P4HA3: variants seen among roughly 807,000 people sequenced by gnomAD.
The protein encoded by P4HA3 is prolyl 4-hydroxylase subunit alpha 3.
Under a neutral mutation model 66.7 loss-of-function variants are expected in P4HA3, and 60 were observed. The observed-to-expected ratio is 0.90, with a 90% CI of 0.73 to 1.12. P4HA3 has a LOEUF of 1.12. P4HA3 is among the 50% of genes most tolerant of loss of function. The pLI, the probability that P4HA3 is intolerant of heterozygous loss-of-function variation, is 0.00. For missense variants in P4HA3, 683 were observed against 685.8 expected (o/e 1.00, Z 0.05); for synonymous variants, 263 against 274.6 (o/e 0.96, Z 0.42).
At chr11:74,250,908 G>GC in intron 15 of P4HA3, 4 of 1,496,828 alleles carry the variant, frequency 2.7e-6, no homozygotes, top group Non-Finnish European at 2.7e-6. Flanking sequence ...GCATAAGAGA[G>GC]GGCTCTTTTA....
At chr11:74,302,690 C>T in intron 2 of P4HA3, 98 bp from the exon 3 acceptor site, 2 of 1,143,580 alleles carry the variant, frequency 1.7e-6, no homozygotes, top group Non-Finnish European at 2.5e-6. Flanking sequence ...TATTTAATGA[C>T]ATCAAGTTGG....
intron 4 of P4HA3, among the ~76,000 whole-genome samples, chr11:74,290,987 C>A (rs1861001343): frequency 6.6e-6 from 1 of 152,164 alleles, no homozygotes; most frequent in African/African-American, 2.4e-5. Flanking sequence ...TGAAGAAAGT[C>A]ATTGGTAGCT....
intron 7 of P4HA3, among the ~76,000 whole-genome samples, chr11:74,280,397 G>A (rs941642070): frequency 7.2e-5 from 11 of 151,866 alleles, no homozygotes; most frequent in South Asian, 2.1e-4. Flanking sequence ...TGGTCTCAAG[G>A]GATCCTCCCA....
At position 74,289,062 on chromosome 11, in the gene P4HA3, T is replaced by G; in HGVS notation, c.769+17A>C. The G allele has an allele frequency of 6.5e-7, 1 of 1,528,738 alleles. No homozygotes were observed. Among genetic ancestry groups the G allele is most frequent in the Non-Finnish European group, 8.8e-7 (1 of 1,137,572 alleles). 94.7% of individuals were successfully genotyped at this position (1,528,738 alleles called of 1,614,324 possible). Reference sequence around the variant, plus strand: ...AAATCAGACCTGTGGCTGGCTTATCTTTTATCCATTACGTACTGTAGAGAA... The same window carrying G: ...AAATCAGACCTGTGGCTGGCTTATCGTTTATCCATTACGTACTGTAGAGAA... On this transcript the variant is annotated intron_variant, in intron 5 of 12. Transcript: ENST00000331597.
rs755843474 is a variant in P4HA3 at position 74,289,180 on chromosome 11, T to C, written c.718-50A>G. 6 of 1,382,386 alleles carry C rather than the reference T, an allele frequency of 4.3e-6. No homozygotes were observed. The East Asian group carries it at 1.3e-4, about 30-fold the overall frequency. The allele number at this position is 1,382,386 out of a possible 1,614,324, so 85.6% of individuals were successfully genotyped here. Reference sequence around the variant, plus strand: ...GAAAGCATTAACTTCACTGAGGATATCTCTTCTGAACAAACCATTAAATTA... The same window carrying C: ...GAAAGCATTAACTTCACTGAGGATACCTCTTCTGAACAAACCATTAAATTA... On this transcript the variant is annotated intron_variant, in intron 4 of 12. Transcript: ENST00000331597.
Position 74,291,456 on chromosome 11 carries a change from G to A in P4HA3, c.718-2326C>T, listed in dbSNP as rs571414248. The stretch of plus-strand genomic sequence containing the variant: ...CTTTATTTCCTTCTCCTGCCTGATT[G>A]CCCTGGCCAGAACTTCCAACACTAT... On this transcript the variant is annotated intron_variant, in intron 4 of 12. Coordinates refer to ENST00000331597, the MANE Select transcript of P4HA3 (RefSeq NM_182904.5). Among the ~76,000 whole-genome samples the A allele has an allele frequency of 1.8e-3, 279 of 152,176 alleles. 1 individual carries two copies. The highest frequency in any genetic ancestry group is 6.2e-3 in the African/African-American group (256 of 41,500).
intron 4 of P4HA3, among the ~76,000 whole-genome samples, 199 bp from the exon 5 acceptor site, chr11:74,289,329 AT>A (rs1178682153): frequency 3.3e-5 from 5 of 152,160 alleles, no homozygotes; most frequent in Non-Finnish European, 7.3e-5. Context: ...CAGTCTCCTC[AT>A]TTACTAATGA....
intron 1 of P4HA3, among the ~76,000 whole-genome samples, chr11:74,309,025 G>A (rs1351218601): frequency 6.6e-6 from 1 of 152,180 alleles, no homozygotes; most frequent in Non-Finnish European, 1.5e-5. Flanking sequence ...CATGTACTGT[G>A]GCCACTAGTA....
downstream of P4HA3, among the ~76,000 whole-genome samples, chr11:74,262,371 G>C (rs533415877): frequency 6.6e-6 from 1 of 152,148 alleles, no homozygotes; most frequent in African/African-American, 2.4e-5. Flanking sequence ...CCAATGAAGT[G>C]AATATAAAGA....
chr11:74,263,549 G>A (rs1859943709), downstream of P4HA3, among the ~76,000 whole-genome samples: 3 of 152,190 alleles, frequency 2.0e-5, no homozygotes, highest in African/African-American at 4.8e-5. Context: ...ATACTTGGAT[G>A]ACTTCAGGCA....
At chr11:74,267,901 T>C (rs1005690152) in intron 12 of P4HA3, among the ~76,000 whole-genome samples, 1 of 152,220 alleles carries the variant, frequency 6.6e-6, no homozygotes, top group Non-Finnish European at 1.5e-5. Context: ...TGCTCAGGAA[T>C]CAAGGCCTAT....
rs538036022 is a variant in P4HA3 at position 74,300,682 on chromosome 11, G to A, written c.567+1687C>T. 2.0e-5 allele frequency among the ~76,000 whole-genome samples: 3 copies of A among 152,286 alleles called. No individual in the cohort carries two copies. In the East Asian group the frequency reaches 5.8e-4, roughly 29 times the overall value. On this transcript the variant is annotated intron_variant, in intron 3 of 12. Coordinates refer to ENST00000331597, the MANE Select transcript of P4HA3 (RefSeq NM_182904.5). ...GAAATTTCATAATCCATAGAGGAAG[G>A]GATCGGGGAAGTGTAGATGAAACAA... is the stretch of plus-strand genomic sequence containing the variant.
chr11:74,253,457 C>G, intron 15 of P4HA3: 1 of 1,590,028 alleles, frequency 6.3e-7, no homozygotes, highest in Non-Finnish European at 8.6e-7. Context: ...TTGATAGTTA[C>G]ATTTGTTTTT....
At chr11:74,309,378 G>A (rs908605650) in intron 1 of P4HA3, among the ~76,000 whole-genome samples, 1 of 152,202 alleles carries the variant, frequency 6.6e-6, no homozygotes, top group African/African-American at 2.4e-5. Flanking sequence ...CAGTGAAGGA[G>A]ACCAGCATGG....
intron 15 of P4HA3, among the ~76,000 whole-genome samples, chr11:74,256,804 C>A (rs1184473069): frequency 6.6e-6 from 1 of 152,128 alleles, no homozygotes; most frequent in African/African-American, 2.4e-5. Flanking sequence ...ATTTTGGAGG[C>A]AGATGTAGAT....
chr11:74,259,539 A>G (rs554154014), intron 15 of P4HA3, among the ~76,000 whole-genome samples: 15 of 152,326 alleles, frequency 9.8e-5, no homozygotes, highest in African/African-American at 3.6e-4. Context: ...CCACACCACT[A>G]TCTATACCCC....
intron 10 of P4HA3, among the ~76,000 whole-genome samples, chr11:74,272,970 T>G (rs1860257860): frequency 6.6e-6 from 1 of 152,134 alleles, no homozygotes. Flanking sequence ...AGGAGAGAAG[T>G]ACAATTTATT....
chr11:74,285,776 G>T (rs1487725306), intron 7 of P4HA3, 33 bp downstream of exon 7: 2 of 1,599,384 alleles, frequency 1.3e-6, no homozygotes, highest in Admixed American at 1.7e-5. Flanking sequence ...GAAGATGAAA[G>T]AGAAATTCTT....
At chr11:74,294,623 G>T (rs608481) in intron 4 of P4HA3, among the ~76,000 whole-genome samples, 4,267 of 152,240 alleles carry the variant, frequency 0.028, 207 homozygotes, top group African/African-American at 0.097. Flanking sequence ...GGTGGGTTTT[G>T]GTGTGGATGT....
Sources: gnomAD v4.1 joint callset for allele counts (sites outside exome capture counted in the v4.1 genomes callset) on GRCh38, gnomAD v4.1.1 for gene constraint, MANE v1.5 for transcripts, NCBI Gene and HGNC (gene_info 2026-07-23, HGNC 2026-07-21) for gene names.